The following CLMN variants were observed in gnomAD, a reference collection of about 807,000 sequenced individuals.
CLMN encodes calmin.
Under a neutral mutation model 92.7 loss-of-function variants are expected in CLMN, and 57 were observed. The observed-to-expected ratio is 0.61, with a 90% CI of 0.50 to 0.77. CLMN has a LOEUF of 0.77. Ranked by LOEUF, CLMN falls within the 30% of genes least tolerant of loss-of-function variation. CLMN has a pLI of 0.00. For missense variants in CLMN, 1,158 were observed against 1,237.5 expected (o/e 0.94, Z 0.96); for synonymous variants, 466 against 470.6 (o/e 0.99, Z 0.13).
intron 1 of CLMN, among the ~76,000 whole-genome samples, chr14:95,248,008 T>C (rs1364982587): frequency 6.6e-6 from 1 of 152,174 alleles, no homozygotes; most frequent in East Asian, 1.9e-4. Context: ...GCAACTCTGC[T>C]ACTCTTAAAG....
intron 8 of CLMN, among the ~76,000 whole-genome samples, chr14:95,208,389 ACTT>A (rs1897104365): frequency 6.6e-6 from 1 of 152,156 alleles, no homozygotes; most frequent in Admixed American, 6.5e-5. Context: ...GGCCAGGACA[ACTT>A]CTAAAAGGTC....
chr14:95,236,568 C>T (rs573646545), intron 1 of CLMN, among the ~76,000 whole-genome samples: 238 of 152,056 alleles, frequency 1.6e-3, no homozygotes, highest in Non-Finnish European at 2.3e-3. Flanking sequence ...CTGCCATGCA[C>T]GGGACAGCCC....
chr14:95,196,351 G>C, intron 10 of CLMN, 147 bp downstream of exon 10: 1 of 801,710 alleles, frequency 1.2e-6, no homozygotes, highest in Non-Finnish European at 1.9e-6. Flanking sequence ...GAACCCAGGT[G>C]TAGAGAATGA....
chr14:95,240,837 T>G lies in CLMN; in HGVS notation c.83-10704A>C, dbSNP rs940339126. Among the ~76,000 whole-genome samples the G allele has an allele frequency of 7.2e-5, 11 of 152,164 alleles. No homozygotes were observed. The East Asian group carries it at 2.1e-3, about 29-fold the overall frequency. On this transcript the variant is annotated intron_variant, in intron 1 of 12. Coordinates refer to ENST00000298912, the MANE Select transcript of CLMN (RefSeq NM_024734.4). Reference sequence around the variant, plus strand: ...AGTGATTGGCCTCAGTAGCTGGTGGTACAGCCAGGAGAGGAGTCTATTCTA... The same window carrying G: ...AGTGATTGGCCTCAGTAGCTGGTGGGACAGCCAGGAGAGGAGTCTATTCTA...
chr14:95,215,853 G>A, intron 4 of CLMN, 120 bp from the exon 5 acceptor site: 2 of 633,966 alleles, frequency 3.2e-6, no homozygotes, highest in Non-Finnish European at 5.6e-6. Context: ...GTGTGTGTGT[G>A]TGTGTGTTTG....
chr14:95,216,397 A>G (rs1459889120), intron 4 of CLMN, among the ~76,000 whole-genome samples: 2 of 152,196 alleles, frequency 1.3e-5, no homozygotes, highest in African/African-American at 4.8e-5. Context: ...ATCAGTAGGT[A>G]CTTCTATTGT....
intron 1 of CLMN, among the ~76,000 whole-genome samples, chr14:95,253,676 G>C (rs754149992): frequency 4.0e-5 from 6 of 150,700 alleles, no homozygotes; most frequent in Non-Finnish European, 7.4e-5. Flanking sequence ...GCAGTGGCGC[G>C]ATCTCGGCTC....
chr14:95,295,168 C>T lies in CLMN; in HGVS notation c.82+24543G>A, dbSNP rs375321856. Among the ~76,000 whole-genome samples, 67 of 152,316 alleles carry T rather than the reference C, an allele frequency of 4.4e-4. 2 individuals are homozygous for T. In the South Asian group the frequency reaches 0.013, roughly 31 times the overall value. ...ATACGACCCTATAATAAGCTCGATG[C>T]AATTTTAGTCATGATTACAGGGTGG... On this transcript the variant is annotated intron_variant, in intron 1 of 12. Coordinates refer to ENST00000298912, the MANE Select transcript of CLMN (RefSeq NM_024734.4).
At chr14:95,278,644 A>C (rs560373102) in intron 1 of CLMN, among the ~76,000 whole-genome samples, 14 of 152,184 alleles carry the variant, frequency 9.2e-5, no homozygotes, top group Admixed American at 7.2e-4. Context: ...TTAGGGTATC[A>C]GAAATTAGTA....
chr14:95,287,287 G>A (rs1025281880), intron 1 of CLMN, among the ~76,000 whole-genome samples: 7 of 152,178 alleles, frequency 4.6e-5, no homozygotes, highest in Admixed American at 3.3e-4. Flanking sequence ...AACTGTCCCC[G>A]TCACTTTCTA....
intron 1 of CLMN, among the ~76,000 whole-genome samples, chr14:95,288,654 A>AAAACAT (rs1225057456): frequency 6.6e-6 from 1 of 152,210 alleles, no homozygotes; most frequent in Non-Finnish European, 1.5e-5. Flanking sequence ...ACTGTTTGGC[A>AAAACAT]GCATCCACAA....
Position 95,223,185 on chromosome 14 carries a change from T to C in CLMN, c.240+575A>G, listed in dbSNP as rs141828672. ...CTGCAATGCACAGGACATCTTCCCA[T>C]AGCAAGAAACTATGTGACCCAAATG... On this transcript the variant is annotated intron_variant, in intron 3 of 12. Coordinates refer to ENST00000298912, the MANE Select transcript of CLMN (RefSeq NM_024734.4). Among the ~76,000 whole-genome samples the C allele has an allele frequency of 2.0e-5, 3 of 152,256 alleles. No homozygotes were observed. In the East Asian group the frequency reaches 5.8e-4, roughly 29 times the overall value.
rs1356624626 is a variant in CLMN, at chr14:95,230,104, A to T, written c.112T>A (p.Phe38Ile). 6 of 1,614,226 alleles carry T rather than the reference A, an allele frequency of 3.7e-6. No individual in the cohort carries two copies. The highest frequency in any genetic ancestry group is 5.1e-6 in the Non-Finnish European group (6 of 1,180,040). Residue 38 changes from phenylalanine to isoleucine, a missense_variant, in exon 2 of 13, where the codon TTT (phenylalanine) becomes ATT (isoleucine). By Grantham distance (21) the Phe-to-Ile change is conservative. Coordinates refer to ENST00000298912, the MANE Select transcript of CLMN (RefSeq NM_024734.4). ...VERENVQKRT[F>I]TRWINLHLEK... ...AGATGTAGATTTATCCATCGTGTAA[A>T]GGTCCTCTTCTGCACATTTTCCCTC...
chr14:95,279,032 G>A (rs552484140), intron 1 of CLMN, among the ~76,000 whole-genome samples: 2 of 152,198 alleles, frequency 1.3e-5, no homozygotes, highest in South Asian at 2.1e-4. Flanking sequence ...AAAATCTTAC[G>A]ACTACTGGAT....
At chr14:95,293,610 G>A (rs563925213) in intron 1 of CLMN, among the ~76,000 whole-genome samples, 3 of 152,176 alleles carry the variant, frequency 2.0e-5, no homozygotes, top group East Asian at 3.9e-4. Context: ...AGGCAGGAAC[G>A]AGCTGCACAG....
Position 95,191,683 on chromosome 14 carries a change from G to A in CLMN, c.2890C>T (p.Gln964Ter). The A allele has an allele frequency of 6.2e-7, 1 of 1,613,066 alleles. No individual in the cohort carries two copies. Among genetic ancestry groups the A allele is most frequent in the Non-Finnish European group, 8.5e-7 (1 of 1,179,898 alleles). ...ACAAGCTGTGTCAGGGAGTCACTCT[G>A]CGGGCTGTGGCTCCCCAGTGACATG... Reference protein sequence around the residue: ...EAMSLGSHSPQSDSLTQLVQQ... With the variant: ...EAMSLGSHSP The change falls in exon 13 of 13, where the codon CAG becomes TAG. Residue 964 changes from glutamine to a stop codon, truncating the protein, a stop_gained. Transcript: ENST00000298912. LOFTEE classifies it high-confidence loss of function. The surrounding 1 kb of genome is among the most constrained non-coding windows in gnomAD (Gnocchi z 5.3).
chr14:95,221,985 C>T (rs1384825126), intron 3 of CLMN, among the ~76,000 whole-genome samples: 2 of 152,158 alleles, frequency 1.3e-5, no homozygotes, highest in African/African-American at 4.8e-5. Flanking sequence ...TCTCAAAGGT[C>T]GGCCTTATTT....
intron 12 of CLMN, chr14:95,193,558 A>G (rs2282267): frequency 0.12 from 82,655 of 668,898 alleles, 7,149 homozygotes; most frequent in East Asian, 0.37. Flanking sequence ...CCTATACTCT[A>G]TACCACTCAT....
intron 1 of CLMN, among the ~76,000 whole-genome samples, chr14:95,308,084 G>C (rs1042378763): frequency 1.3e-5 from 2 of 152,176 alleles, no homozygotes; most frequent in Non-Finnish European, 2.9e-5. Flanking sequence ...GCTCACTTCT[G>C]CCATCATTCA....
Sources: gnomAD v4.1 joint callset for allele counts (sites outside exome capture counted in the v4.1 genomes callset) on GRCh38, gnomAD v4.1.1 for gene constraint, Gnocchi (gnomAD v3.1) non-coding constraint, MANE v1.5 for transcripts, NCBI Gene and HGNC (gene_info 2026-07-23, HGNC 2026-07-21) for gene names.